RPH3AL: variants seen among roughly 807,000 people sequenced by gnomAD.
The protein encoded by RPH3AL is rabphilin 3A like (without C2 domains), also known as rab effector Noc2.
A neutral mutation model predicts 43.1 loss-of-function variants in RPH3AL; 38 were observed. That is an observed-to-expected ratio of 0.88 (90% CI 0.68 to 1.15). The LOEUF is 1.15. Ranked by LOEUF, RPH3AL falls within the 50% of genes most tolerant of loss-of-function variation. RPH3AL has a pLI of 0.00. For synonymous variants in RPH3AL, 189 were observed against 176.3 expected, an observed-to-expected ratio of 1.07 and a Z score of -0.57; for missense variants, 462 against 423.2, an observed-to-expected ratio of 1.09 and a Z score of -0.81.
chr17:258,582 C>G (rs2042122889), intron 6 of RPH3AL, among the ~76,000 whole-genome samples: 1 of 152,072 alleles, frequency 6.6e-6, no homozygotes, highest in Non-Finnish European at 1.5e-5. Flanking sequence ...CTGGCATATC[C>G]CAGCCCCCGG....
intron 1 of RPH3AL, among the ~76,000 whole-genome samples, chr17:348,653 G>A (rs572746174): frequency 1.5e-4 from 23 of 152,032 alleles, no homozygotes; most frequent in Non-Finnish European, 2.9e-4. Context: ...ATCTTGCCAC[G>A]CCACTAATAT....
intron 7 of RPH3AL, among the ~76,000 whole-genome samples, chr17:243,597 C>G (rs2041646445): frequency 8.1e-6 from 1 of 123,442 alleles, no homozygotes; most frequent in Admixed American, 7.9e-5. Flanking sequence ...CTATTGATTA[C>G]CCTTCCTCTA....
chr17:242,167 G>C (rs1410785131), intron 7 of RPH3AL, among the ~76,000 whole-genome samples: 1 of 152,086 alleles, frequency 6.6e-6, no homozygotes, highest in Non-Finnish European at 1.5e-5. Context: ...GAAGAAAAAG[G>C]AACCCACCTC....
At chr17:275,940 G>A (rs904697783) in intron 6 of RPH3AL, among the ~76,000 whole-genome samples, 5 of 152,212 alleles carry the variant, frequency 3.3e-5, no homozygotes, top group African/African-American at 1.2e-4. Context: ...GAGTGTGCCA[G>A]TCCACAGCGG....
chr17:216,716 T>C (rs79057465), intron 8 of RPH3AL, among the ~76,000 whole-genome samples: 5,207 of 152,276 alleles, frequency 0.034, 121 homozygotes, highest in Middle Eastern at 0.058. Context: ...GGGAAGTCAC[T>C]GGTCCAGGGA....
chr17:291,716 T>C (rs1024883454), intron 5 of RPH3AL, among the ~76,000 whole-genome samples: 17 of 152,026 alleles, frequency 1.1e-4, no homozygotes, highest in Admixed American at 1.0e-3. Flanking sequence ...ACAAAGACGA[T>C]GATGATGTAA....
chr17:262,748 C>T (rs574478605), intron 6 of RPH3AL, among the ~76,000 whole-genome samples: 17 of 152,284 alleles, frequency 1.1e-4, no homozygotes, highest in South Asian at 4.1e-4. Context: ...CTTTATCTAA[C>T]GCCCACACAC....
rs1460108326 is a variant in RPH3AL at position 259,509 on chromosome 17, GC to G, written c.439-12225del. 5.3e-5 allele frequency among the ~76,000 whole-genome samples: 8 copies of G among 151,854 alleles called. No individual in the cohort carries two copies. In the East Asian group the frequency reaches 1.5e-3, roughly 29 times the overall value. On this transcript the variant is annotated intron_variant, in intron 6 of 9. Transcript: ENST00000331302. ...CTGGCATCCACATCTACCCCTCCCC[GC>G]CCAGGAATAGTGGCAGGAAAAGCCC...
chr17:223,795 G>A (rs899222916), intron 7 of RPH3AL, among the ~76,000 whole-genome samples: 2 of 152,208 alleles, frequency 1.3e-5, no homozygotes, highest in African/African-American at 2.4e-5. Context: ...GGAGCCACAG[G>A]TCTTGGAACA....
rs1567596970 is a variant in RPH3AL, at chr17:264,406, CGCGCTGG to C, written c.439-17128_439-17122del. Among the ~76,000 whole-genome samples the C allele has an allele frequency of 3.9e-4, 16 of 40,810 alleles. No homozygotes were observed. The highest frequency in any genetic ancestry group is 1.1e-3 in the African/African-American group (13 of 11,318). The allele number at this position is 40,810 out of a possible 152,430, so 26.8% of individuals were successfully genotyped here. A position where few individuals can be genotyped will look rare whatever the true frequency, so the allele number is the denominator to read the frequency against. On this transcript the variant is annotated intron_variant, in intron 6 of 9. Transcript: ENST00000331302. The surrounding 1 kb of genome is among the most constrained non-coding windows in gnomAD (Gnocchi z 4.8). Reference sequence around the variant, plus strand: ...AGCAGGATTACCCTTCGGAGCCGTGCGCGCTGGATGGGGACTCAGAATCTGCAGCATG... The same window carrying C: ...AGCAGGATTACCCTTCGGAGCCGTGCATGGGGACTCAGAATCTGCAGCATG...
intron 7 of RPH3AL, among the ~76,000 whole-genome samples, chr17:231,998 T>G (rs2041241231): frequency 6.6e-6 from 1 of 152,212 alleles, no homozygotes; most frequent in African/African-American, 2.4e-5. Context: ...GCTCAGGACA[T>G]CTGTTCTGGG....
chr17:247,307 C>G (rs1555540591), intron 6 of RPH3AL, 22 bp from the exon 7 acceptor site: 1 of 1,545,156 alleles, frequency 6.5e-7, no homozygotes, highest in East Asian at 2.3e-5. Flanking sequence ...AAGAGAGCTG[C>G]TTGGGGCACA....
chr17:309,721 G>C (rs1245525351), intron 5 of RPH3AL, among the ~76,000 whole-genome samples: 2 of 139,772 alleles, frequency 1.4e-5, no homozygotes, highest in African/African-American at 6.4e-5. Context: ...TCCTGCTGGG[G>C]GTCCAGGATA....
chr17:269,030 C>T (rs1025674553), intron 6 of RPH3AL, among the ~76,000 whole-genome samples: 13 of 152,292 alleles, frequency 8.5e-5, no homozygotes, highest in Non-Finnish European at 1.6e-4. Flanking sequence ...AGGCGCCCGC[C>T]ACCACGCCTG....
At chr17:308,536 T>C (rs1179615664) in intron 5 of RPH3AL, among the ~76,000 whole-genome samples, 2 of 152,208 alleles carry the variant, frequency 1.3e-5, no homozygotes, top group African/African-American at 2.4e-5. Flanking sequence ...AGCTGCAACA[T>C]GGAAGCAACC....
At position 245,576 on chromosome 17, in the gene RPH3AL, G is replaced by A. The variant is rs78503258; in HGVS notation, c.613+1535C>T. Among the ~76,000 whole-genome samples the A allele has an allele frequency of 0.01, 1,548 of 152,178 alleles. 29 individuals are homozygous for A. Among genetic ancestry groups the A allele is most frequent in the African/African-American group, 0.035 (1,452 of 41,496 alleles). ...GCCCCCATAGGCCTTCAGCCTCTCC[G>A]GCTCAACTGGCTCCAAGCAGCATTT... On this transcript the variant is annotated intron_variant, in intron 7 of 9. Transcript: ENST00000331302. This position sits in a 1 kb window ranked among gnomAD's most constrained non-coding sequence, Gnocchi z 5.9.
At position 228,439 on chromosome 17, in the gene RPH3AL, C is replaced by T. The variant is rs539867400; in HGVS notation, c.614-8703G>A. The stretch of plus-strand genomic sequence containing the variant: ...GTCGTGAGGGTCAAAAGGAGTAACG[C>T]GTTCGGCATCTGGCCTGTGGTAGGT... On this transcript the variant is annotated intron_variant, in intron 7 of 9. Coordinates refer to ENST00000331302, the MANE Select transcript of RPH3AL (RefSeq NM_006987.4). Among the ~76,000 whole-genome samples the T allele has an allele frequency of 1.9e-3, 294 of 152,156 alleles. 1 individual carries two copies. The highest frequency in any genetic ancestry group is 6.4e-3 in the African/African-American group (264 of 41,512).
At chr17:306,157 G>A (rs1033293487) in intron 5 of RPH3AL, among the ~76,000 whole-genome samples, 7 of 150,194 alleles carry the variant, frequency 4.7e-5, no homozygotes, top group East Asian at 2.0e-4. Flanking sequence ...CACTGCGCCC[G>A]ACTTCCCCAG....
intron 5 of RPH3AL, among the ~76,000 whole-genome samples, chr17:315,679 C>T (rs374752976): frequency 0.024 from 670 of 28,436 alleles, no homozygotes; most frequent in African/African-American, 0.045. Flanking sequence ...CCTGTAGTCC[C>T]TGTGACCCCA....
Sources: gnomAD v4.1 joint callset for allele counts (sites outside exome capture counted in the v4.1 genomes callset) on GRCh38, gnomAD v4.1.1 for gene constraint, Gnocchi (gnomAD v3.1) non-coding constraint, MANE v1.5 for transcripts, NCBI Gene and HGNC (gene_info 2026-07-23, HGNC 2026-07-21) for gene names.